Variants in CSMD2 observed in about 807,000 individuals in gnomAD.
CSMD2 encodes CUB and sushi domain-containing protein 2.
A neutral mutation model predicts 398.5 loss-of-function variants in CSMD2; 130 were observed. The observed-to-expected ratio is 0.33, with a 90% CI of 0.28 to 0.38. The LOEUF is 0.38. Ranked by LOEUF, CSMD2 falls within the 10% of genes least tolerant of loss-of-function variation. The probability of loss-of-function intolerance (pLI) is 1.00; values close to 1 mark genes in which losing one functional copy is unlikely to be tolerated. For synonymous variants in CSMD2, 1,828 were observed against 1,908.5 expected (o/e 0.96, Z 1.10); for missense variants, 3,829 against 4,764.9 (o/e 0.80, Z 5.78).
At chr1:33,967,273 G>A (rs1456266656) in intron 3 of CSMD2, among the ~76,000 whole-genome samples, 1 of 150,302 alleles carries the variant, frequency 6.7e-6, no homozygotes, top group Admixed American at 6.6e-5. Context: ...TTTTTAAAGC[G>A]GGGGGTGGGG....
intron 3 of CSMD2, among the ~76,000 whole-genome samples, chr1:33,959,450 C>A (rs914447655): frequency 6.6e-6 from 1 of 152,178 alleles, no homozygotes; most frequent in Non-Finnish European, 1.5e-5. Flanking sequence ...GGTGGGCCTG[C>A]GTGTTCTCGC....
At chr1:33,740,524 T>C (rs1236478099) in intron 14 of CSMD2, among the ~76,000 whole-genome samples, 2 of 152,334 alleles carry the variant, frequency 1.3e-5, no homozygotes, top group Middle Eastern at 3.4e-3. Flanking sequence ...AACCTGACCC[T>C]TCCCATTGCA....
intron 13 of CSMD2, among the ~76,000 whole-genome samples, chr1:33,755,577 G>A (rs1648868365): frequency 6.6e-6 from 1 of 152,198 alleles, no homozygotes; most frequent in Admixed American, 6.5e-5. Flanking sequence ...CTGAGCACAT[G>A]TATGTCCTCC....
rs577709962 is a variant in CSMD2 at position 33,524,656 on chromosome 1, A to G, written c.10396+226T>C. 7.9e-5 allele frequency among the ~76,000 whole-genome samples: 12 copies of G among 152,234 alleles called. No homozygotes were observed. The South Asian group carries it at 2.3e-3, about 29-fold the overall frequency. ...GGATATCAGTCTTTTCTCTTTGTTC[A>G]TAAGAGTTCTTTATGTATTCAGGTT... On this transcript the variant is annotated intron_variant, in intron 66 of 70. Coordinates refer to ENST00000373381, the MANE Select transcript of CSMD2 (RefSeq NM_001281956.2).
intron 5 of CSMD2, among the ~76,000 whole-genome samples, chr1:33,872,998 A>C (rs1156547344): frequency 6.6e-6 from 1 of 152,186 alleles, no homozygotes; most frequent in African/African-American, 2.4e-5. Flanking sequence ...TTTGAGTAGC[A>C]GTGTTTATAG....
At position 33,622,201 on chromosome 1, in the gene CSMD2, G is replaced by A. The variant is rs748565256; in HGVS notation, c.5793C>T (p.Ser1931=). 3.3e-5 allele frequency: 53 copies of A among 1,613,824 alleles called. No individual in the cohort carries two copies. The highest frequency in any genetic ancestry group is 4.1e-5 in the Non-Finnish European group (48 of 1,179,740). ...QLYLHFYSDI[S]VSAAGFHLEY... ...CCAAGTGGAAGCCAGCTGCAGATAC[G>A]CTGATATCTGAGTAGAAATGAAGGT... The change falls in exon 37 of 71, where the codon AGC becomes AGT. Residue 1931 remains serine (S), a synonymous_variant. Transcript: ENST00000373381.
chr1:33,561,759 G>A (rs985660341), intron 53 of CSMD2, among the ~76,000 whole-genome samples: 1 of 152,148 alleles, frequency 6.6e-6, no homozygotes, highest in Non-Finnish European at 1.5e-5. Context: ...GGTCTCAAGG[G>A]TGAGTAGGGC....
At chr1:33,766,225 A>G (rs1650476693) in intron 13 of CSMD2, among the ~76,000 whole-genome samples, 1 of 152,168 alleles carries the variant, frequency 6.6e-6, no homozygotes. Flanking sequence ...CAATGTATCT[A>G]CGGAACATGT....
At chr1:33,706,739 G>C (rs1217617399) in intron 22 of CSMD2, among the ~76,000 whole-genome samples, 1 of 152,098 alleles carries the variant, frequency 6.6e-6, no homozygotes, top group Non-Finnish European at 1.5e-5. Flanking sequence ...GCCGTAGCAG[G>C]AGCATTTCCT....
intron 46 of CSMD2, among the ~76,000 whole-genome samples, chr1:33,585,133 G>C (rs1005523637): frequency 7.2e-5 from 11 of 152,206 alleles, no homozygotes; most frequent in Admixed American, 2.6e-4. Flanking sequence ...ACAAAGGTGT[G>C]CATTGACAAT....
intron 13 of CSMD2, among the ~76,000 whole-genome samples, chr1:33,767,497 G>A (rs1650659508): frequency 6.6e-6 from 1 of 152,142 alleles, no homozygotes; most frequent in South Asian, 2.1e-4. Flanking sequence ...CCATGAGATT[G>A]TCCCTTTAAC....
chr1:34,135,013 G>A (rs1387287345), intron 1 of CSMD2, among the ~76,000 whole-genome samples: 1 of 152,124 alleles, frequency 6.6e-6, no homozygotes, highest in Non-Finnish European at 1.5e-5. Context: ...CTACTCTACT[G>A]CAGACCTATT....
At chr1:33,736,904 T>C (rs953977190) in intron 15 of CSMD2, among the ~76,000 whole-genome samples, 1 of 152,136 alleles carries the variant, frequency 6.6e-6, no homozygotes, top group Non-Finnish European at 1.5e-5. Context: ...GCAGGGAAGA[T>C]CTCAGAGATA....
At chr1:33,797,014 G>A (rs2094032) in intron 10 of CSMD2, among the ~76,000 whole-genome samples, 94,593 of 152,002 alleles carry the variant, frequency 0.62, 30,058 homozygotes, top group East Asian at 0.95. Context: ...AGGTCAGACC[G>A]GTTCTCTGCT....
chr1:34,014,677 T>C (rs1647835637), intron 3 of CSMD2, among the ~76,000 whole-genome samples: 1 of 152,236 alleles, frequency 6.6e-6, no homozygotes. Context: ...CACTAGACCA[T>C]GATTGCCCAA....
intron 25 of CSMD2, among the ~76,000 whole-genome samples, chr1:33,671,400 C>A (rs1011697773): frequency 6.6e-6 from 1 of 152,112 alleles, no homozygotes; most frequent in African/African-American, 2.4e-5. Flanking sequence ...CACTGGGCCC[C>A]TGGTTCTCCC....
chr1:34,026,250 T>C (rs1008963106), intron 3 of CSMD2, among the ~76,000 whole-genome samples: 4 of 152,202 alleles, frequency 2.6e-5, no homozygotes, highest in Non-Finnish European at 5.9e-5. Flanking sequence ...TGATTCCAGG[T>C]GTCTGAATTC....
At chr1:33,982,863 A>G (rs1175042767) in intron 3 of CSMD2, among the ~76,000 whole-genome samples, 3 of 152,196 alleles carry the variant, frequency 2.0e-5, no homozygotes, top group Non-Finnish European at 4.4e-5. Context: ...GGCTTTGTAC[A>G]TCCAAGACAT....
At chr1:33,826,716 T>C (rs1658865402) in intron 6 of CSMD2, among the ~76,000 whole-genome samples, 1 of 152,184 alleles carries the variant, frequency 6.6e-6, no homozygotes, top group African/African-American at 2.4e-5. Context: ...CCAAAGGCCA[T>C]TCCTCTGTAC....
Sources: allele counts gnomAD v4.1 joint callset (sites outside exome capture counted in the v4.1 genomes callset), GRCh38; gene constraint gnomAD v4.1.1; transcripts MANE v1.5; gene names NCBI Gene and HGNC (gene_info 2026-07-23, HGNC 2026-07-21).